GPR141: variants seen among roughly 807,000 people sequenced by gnomAD.
GPR141 encodes G protein-coupled receptor 141.
GPR141 carries 6 observed loss-of-function variants against 6.8 expected under a neutral mutation model. That is an observed-to-expected ratio of 0.88 (90% CI 0.48 to 1.74). The LOEUF (loss-of-function observed/expected upper bound fraction) is 1.74, where lower values mean the gene tolerates loss of function less well. GPR141 is among the 40% of genes most tolerant of loss of function. The pLI, the probability that GPR141 is intolerant of heterozygous loss-of-function variation, is 0.01. For synonymous variants in GPR141, 140 were observed against 142.3 expected (o/e 0.98, Z 0.11); for missense variants, 372 against 372.9 (o/e 1.00, Z 0.02).
chr7:37,738,821 C>A (rs1242851966), intron 2 of GPR141, among the ~76,000 whole-genome samples: 1 of 152,016 alleles, frequency 6.6e-6, no homozygotes, highest in Non-Finnish European at 1.5e-5. Flanking sequence ...ATCTGATTTG[C>A]TTTTTGTCAC....
At chr7:37,689,811 T>A (rs1809674470) in intron 2 of GPR141, among the ~76,000 whole-genome samples, 1 of 152,006 alleles carries the variant, frequency 6.6e-6, no homozygotes, top group African/African-American at 2.4e-5. Context: ...TTAGTTTAGA[T>A]AATCATTTGT....
chr7:37,715,715 GTTC>G (rs1811016536), intron 2 of GPR141, among the ~76,000 whole-genome samples: 1 of 152,102 alleles, frequency 6.6e-6, no homozygotes, highest in South Asian at 2.1e-4. Flanking sequence ...TTAAAACACT[GTTC>G]TTCTACCAGA....
rs946088650 is a variant in GPR141, at chr7:37,743,248, T to C, written c.*1937T>C. Among the ~76,000 whole-genome samples, 32 of 152,000 alleles carry C rather than the reference T, an allele frequency of 2.1e-4. No homozygotes were observed. Reference sequence around the variant, plus strand: ...TTATTATCACTGTGGATCCACAAATTCCTCAGATGAATAAGAAATACCTCT... The same window carrying C: ...TTATTATCACTGTGGATCCACAAATCCCTCAGATGAATAAGAAATACCTCT... On this transcript the variant is annotated 3_prime_UTR_variant, in exon 3 of 3. Coordinates refer to ENST00000334425, the MANE Select transcript of GPR141 (RefSeq NM_001381946.1).
chr7:37,712,837 G>A (rs1278451932), intron 2 of GPR141, among the ~76,000 whole-genome samples: 1 of 152,172 alleles, frequency 6.6e-6, no homozygotes. Context: ...AGTTGGTCAA[G>A]GCTGAGTTTG....
At chr7:37,727,947 C>T (rs1303087543) in intron 2 of GPR141, among the ~76,000 whole-genome samples, 3 of 152,310 alleles carry the variant, frequency 2.0e-5, no homozygotes, top group East Asian at 1.9e-4. Flanking sequence ...GATTCTCACC[C>T]ACGTTCTCCT....
At chr7:37,713,992 T>C (rs1311238853) in intron 2 of GPR141, among the ~76,000 whole-genome samples, 1 of 152,236 alleles carries the variant, frequency 6.6e-6, no homozygotes, top group African/African-American at 2.4e-5. Flanking sequence ...ATAGTTTGGT[T>C]TGGCTATGAA....
chr7:37,733,575 G>A (rs1048950226), intron 2 of GPR141, among the ~76,000 whole-genome samples: 4 of 151,496 alleles, frequency 2.6e-5, no homozygotes, highest in African/African-American at 9.7e-5. Flanking sequence ...CGGAGGCTGA[G>A]GCAGGAGAAT....
At chr7:37,709,523 T>C (rs1428629277) in intron 2 of GPR141, among the ~76,000 whole-genome samples, 1 of 152,214 alleles carries the variant, frequency 6.6e-6, no homozygotes, top group Admixed American at 6.5e-5. Context: ...CTATTAGTGA[T>C]CTTGCCACAT....
intron 2 of GPR141, among the ~76,000 whole-genome samples, chr7:37,723,429 G>A (rs929856904): frequency 1.3e-5 from 2 of 151,618 alleles, no homozygotes; most frequent in African/African-American, 4.9e-5. Context: ...AAAAAAAAAA[G>A]TGAATGGCAC....
At chr7:37,738,152 A>G (rs1812337581) in intron 2 of GPR141, among the ~76,000 whole-genome samples, 1 of 152,250 alleles carries the variant, frequency 6.6e-6, no homozygotes, top group Non-Finnish European at 1.5e-5. Flanking sequence ...TCTAAAATTC[A>G]GTATAATAAT....
intron 2 of GPR141, among the ~76,000 whole-genome samples, chr7:37,693,390 G>C (rs2131735886): frequency 6.6e-6 from 1 of 152,278 alleles, no homozygotes; most frequent in East Asian, 1.9e-4. Context: ...GTATCATGCT[G>C]TTTTGGTTAC....
chr7:37,715,600 C>T (rs1811011553), intron 2 of GPR141, among the ~76,000 whole-genome samples: 2 of 152,132 alleles, frequency 1.3e-5, no homozygotes, highest in South Asian at 4.1e-4. Flanking sequence ...GAAACAATGG[C>T]ATTTTGATAA....
intron 2 of GPR141, among the ~76,000 whole-genome samples, chr7:37,706,619 A>G (rs1385173215): frequency 6.6e-6 from 1 of 151,614 alleles, no homozygotes; most frequent in Non-Finnish European, 1.5e-5. Context: ...AGAGGATTCT[A>G]GCCAAACAAA....
chr7:37,737,174 T>G (rs367654613), intron 2 of GPR141, among the ~76,000 whole-genome samples: 1 of 152,160 alleles, frequency 6.6e-6, no homozygotes, highest in Non-Finnish European at 1.5e-5. Context: ...AAAGTTGATC[T>G]TGAGGAAGAA....
At chr7:37,688,801 A>G (rs1360183760) in intron 2 of GPR141, among the ~76,000 whole-genome samples, 1 of 152,206 alleles carries the variant, frequency 6.6e-6, no homozygotes, top group Admixed American at 6.5e-5. Context: ...CTTACCTTCC[A>G]TTAATACCAC....
chr7:37,685,386 C>G (rs1176864326), intron 1 of GPR141, 74 bp from the exon 2 acceptor site: 1 of 133,540 alleles, frequency 7.5e-6, no homozygotes, highest in African/African-American at 2.6e-5. Context: ...GCCTGCCTGC[C>G]TGCCTGCCTT....
At position 37,723,183 on chromosome 7, in the gene GPR141, G is replaced by C. The variant is rs562041737; in HGVS notation, c.-14-17197G>C. Among the ~76,000 whole-genome samples the C allele has an allele frequency of 4.5e-4, 69 of 151,908 alleles. 1 individual carries two copies. The highest frequency in any genetic ancestry group is 3.4e-3 in the Middle Eastern group (1 of 294). The stretch of plus-strand genomic sequence containing the variant: ...AATTTTTGTATTTTTAGTACAGACG[G>C]GATTTCACCATGTTGGCCATGCTCA... On this transcript the variant is annotated intron_variant, in intron 2 of 2. Transcript: ENST00000334425.
At chr7:37,712,139 C>T (rs1486569031) in intron 2 of GPR141, among the ~76,000 whole-genome samples, 1 of 152,198 alleles carries the variant, frequency 6.6e-6, no homozygotes, top group Non-Finnish European at 1.5e-5. Flanking sequence ...AGGCAGATCC[C>T]AGGGAGACAG....
At chr7:37,702,530 A>G (rs1810323092) in intron 2 of GPR141, among the ~76,000 whole-genome samples, 1 of 151,930 alleles carries the variant, frequency 6.6e-6, no homozygotes, top group Non-Finnish European at 1.5e-5. Context: ...AACGGAAGTT[A>G]AATAATCTTA....
Sources: allele counts gnomAD v4.1 joint callset (sites outside exome capture counted in the v4.1 genomes callset), GRCh38; gene constraint gnomAD v4.1.1; transcripts MANE v1.5; gene names NCBI Gene and HGNC (gene_info 2026-07-23, HGNC 2026-07-21).